ANTXR1: variants seen among roughly 807,000 people sequenced by gnomAD.
The protein encoded by ANTXR1 is anthrax toxin receptor 1.
ANTXR1 carries 19 observed loss-of-function variants against 78.1 expected under a neutral mutation model. That is an observed-to-expected ratio of 0.24 (90% confidence interval 0.17 to 0.36). The LOEUF (loss-of-function observed/expected upper bound fraction) is 0.36. Among genes scored for constraint, ANTXR1 ranks in the 10% least tolerant of loss-of-function variants. The pLI, the probability that ANTXR1 is intolerant of heterozygous loss-of-function variation, is 1.00. For synonymous variants in ANTXR1, 273 were observed against 260.5 expected (o/e 1.05, Z -0.46); for missense variants, 518 against 718.6 (o/e 0.72, Z 3.19).
At chr2:69,150,473 G>A (rs6708226) in intron 12 of ANTXR1, among the ~76,000 whole-genome samples, 84,238 of 151,932 alleles carry the variant, frequency 0.55, 24,247 homozygotes, top group East Asian at 0.75. Context: ...GAAGCCCCCA[G>A]ATACAGATTT....
At chr2:69,066,839 C>G (rs965720465) in intron 3 of ANTXR1, among the ~76,000 whole-genome samples, 2 of 152,198 alleles carry the variant, frequency 1.3e-5, no homozygotes, top group Non-Finnish European at 2.9e-5. Flanking sequence ...AGTAGGAACA[C>G]TGGCAGACAT....
chr2:69,189,858 T>G (rs1463968841), intron 16 of ANTXR1, among the ~76,000 whole-genome samples: 3 of 152,276 alleles, frequency 2.0e-5, no homozygotes, highest in Admixed American at 1.3e-4. Context: ...TAGTTCAGTT[T>G]ATAATGTTTG....
rs570738481 is a variant in ANTXR1 at position 69,181,141 on chromosome 2, G to C, written c.1090-645G>C. On this transcript the variant is annotated intron_variant, in intron 14 of 17. Coordinates refer to ENST00000303714, the MANE Select transcript of ANTXR1 (RefSeq NM_032208.3). ...GAGAACAGATCATAGGTGAGTCTTA[G>C]GGCAGCAGGAGGCCAGTTGGGAAGC... Among the ~76,000 whole-genome samples, 19 of 152,354 alleles carry C rather than the reference G, an allele frequency of 1.2e-4. 1 individual carries two copies. The South Asian group carries it at 3.9e-3, about 32-fold the overall frequency.
At chr2:69,100,192 G>C (rs530636152) in intron 9 of ANTXR1, among the ~76,000 whole-genome samples, 1 of 152,324 alleles carries the variant, frequency 6.6e-6, no homozygotes, top group East Asian at 1.9e-4. Context: ...GTTCTAATGT[G>C]TCCTGGTTTT....
At chr2:69,085,717 A>AC (rs398104413) in intron 8 of ANTXR1, among the ~76,000 whole-genome samples, 3 of 151,774 alleles carry the variant, frequency 2.0e-5, no homozygotes, top group East Asian at 3.9e-4. Flanking sequence ...TAAAAAAAAA[A>AC]CACTGTAAAT....
chr2:69,175,911 A>T (rs1220262444), intron 14 of ANTXR1, among the ~76,000 whole-genome samples: 2 of 152,138 alleles, frequency 1.3e-5, no homozygotes, highest in Non-Finnish European at 2.9e-5. Flanking sequence ...AGCTATGGAA[A>T]ATTATACAGG....
At chr2:69,229,967 T>C (rs1322694152) in intron 17 of ANTXR1, among the ~76,000 whole-genome samples, 2 of 152,118 alleles carry the variant, frequency 1.3e-5, no homozygotes, top group Admixed American at 6.5e-5. Context: ...TGTGCCACAC[T>C]GGGTCACCAC....
chr2:69,143,003 T>C (rs972601819), intron 12 of ANTXR1, among the ~76,000 whole-genome samples: 3 of 152,248 alleles, frequency 2.0e-5, no homozygotes, highest in African/African-American at 4.8e-5. Flanking sequence ...AGGAAAGGGA[T>C]GTATCACTTC....
intron 2 of ANTXR1, among the ~76,000 whole-genome samples, chr2:69,041,144 G>A (rs1669604346): frequency 6.6e-6 from 1 of 152,152 alleles, no homozygotes; most frequent in African/African-American, 2.4e-5. Flanking sequence ...GAGGACAGAA[G>A]GGAGAAAAAG....
chr2:69,196,027 A>G (rs78967311), intron 17 of ANTXR1, among the ~76,000 whole-genome samples: 67 of 152,338 alleles, frequency 4.4e-4, no homozygotes, highest in African/African-American at 1.5e-3. Context: ...AGAAGAATCA[A>G]TGCTGTTTGG....
At chr2:69,096,091 T>C (rs1338144115) in intron 9 of ANTXR1, among the ~76,000 whole-genome samples, 1 of 151,718 alleles carries the variant, frequency 6.6e-6, no homozygotes, top group Non-Finnish European at 1.5e-5. Context: ...ACCCCGTCTC[T>C]ACTAAAAATA....
At chr2:69,188,957 AGCCT>A (rs1674489564) in intron 16 of ANTXR1, among the ~76,000 whole-genome samples, 2 of 152,090 alleles carry the variant, frequency 1.3e-5, no homozygotes, top group Admixed American at 1.3e-4. Context: ...AGGTTCCAAG[AGCCT>A]TTGTCATGCA....
At chr2:69,015,559 G>A (rs1392571129) in intron 1 of ANTXR1, among the ~76,000 whole-genome samples, 1 of 151,944 alleles carries the variant, frequency 6.6e-6, no homozygotes, top group African/African-American at 2.4e-5. Context: ...AATGAAAAAG[G>A]TTAGATTTAT....
chr2:69,196,406 G>A (rs147125111), intron 17 of ANTXR1, among the ~76,000 whole-genome samples: 129 of 152,294 alleles, frequency 8.5e-4, no homozygotes, highest in African/African-American at 2.9e-3. Context: ...CCTTGTTGCC[G>A]TGGCAACAGC....
At chr2:69,179,085 C>T (rs932219027) in intron 14 of ANTXR1, among the ~76,000 whole-genome samples, 4 of 152,170 alleles carry the variant, frequency 2.6e-5, no homozygotes, top group Admixed American at 1.3e-4. Context: ...TACACAGAAA[C>T]ATACATCCAC....
chr2:69,187,228 A>G (rs1204310088), intron 16 of ANTXR1, among the ~76,000 whole-genome samples: 1 of 151,884 alleles, frequency 6.6e-6, no homozygotes, highest in Non-Finnish European at 1.5e-5. Flanking sequence ...AACCACACCA[A>G]CCACACTTCC....
At chr2:69,156,642 C>G (rs1018136328) in intron 13 of ANTXR1, among the ~76,000 whole-genome samples, 1 of 152,156 alleles carries the variant, frequency 6.6e-6, no homozygotes, top group African/African-American at 2.4e-5. Flanking sequence ...AGAGGGGGAG[C>G]GAGGCATCTC....
chr2:69,043,198 G>A (rs547516734), intron 2 of ANTXR1, among the ~76,000 whole-genome samples: 2 of 152,222 alleles, frequency 1.3e-5, no homozygotes, highest in South Asian at 4.2e-4. Context: ...TCAAGCCCCA[G>A]GTCTGCCACT....
intron 3 of ANTXR1, among the ~76,000 whole-genome samples, chr2:69,053,060 T>C (rs1448112519): frequency 6.6e-6 from 1 of 152,234 alleles, no homozygotes; most frequent in African/African-American, 2.4e-5. Flanking sequence ...ATTGGTTATA[T>C]GTGCTCCCTT....
Sources: allele counts gnomAD v4.1 joint callset (sites outside exome capture counted in the v4.1 genomes callset), GRCh38; gene constraint gnomAD v4.1.1; transcripts MANE v1.5; gene names NCBI Gene and HGNC (gene_info 2026-07-23, HGNC 2026-07-21).